CSMD3: variants seen among roughly 807,000 people sequenced by gnomAD.
CSMD3 encodes the protein CUB and Sushi multiple domains 3.
Under a neutral mutation model 435.2 loss-of-function variants are expected in CSMD3, and 177 were observed. The observed-to-expected ratio is 0.41, with a 90% CI of 0.36 to 0.46. The LOEUF (loss-of-function observed/expected upper bound fraction) is 0.46. CSMD3 is among the 20% of genes least tolerant of loss of function. The pLI, the probability that CSMD3 is intolerant of heterozygous loss-of-function variation, is 0.34. For synonymous variants in CSMD3, 1,656 were observed against 1,520.5 expected, an observed-to-expected ratio of 1.09 and a Z score of -2.07; for missense variants, 4,265 against 4,504.6, an observed-to-expected ratio of 0.95 and a Z score of 1.52.
chr8:112,266,141 G>A (rs1415324489), intron 59 of CSMD3, among the ~76,000 whole-genome samples: 2 of 152,138 alleles, frequency 1.3e-5, no homozygotes, highest in Non-Finnish European at 2.9e-5. Context: ...ACATGATGAT[G>A]TTTCCAGCCC....
intron 38 of CSMD3, among the ~76,000 whole-genome samples, chr8:112,370,793 A>G (rs1038736577): frequency 1.3e-5 from 2 of 152,112 alleles, no homozygotes; most frequent in Non-Finnish European, 2.9e-5. Flanking sequence ...TTATATTTTC[A>G]CCTTTTATCT....
At chr8:112,562,515 A>T (rs1275602456) in intron 24 of CSMD3, among the ~76,000 whole-genome samples, 1 of 151,494 alleles carries the variant, frequency 6.6e-6, no homozygotes, top group African/African-American at 2.4e-5. Flanking sequence ...AAAGAAATAG[A>T]TTGTTAAAAA....
intron 4 of CSMD3, among the ~76,000 whole-genome samples, chr8:113,138,520 AATGAAG>A (rs528260639): frequency 2.0e-5 from 3 of 151,474 alleles, no homozygotes; most frequent in Non-Finnish European, 4.4e-5. Context: ...ACATCTTAAT[AATGAAG>A]ATGATTTGAA....
At chr8:112,316,565 C>T (rs1822491400) in intron 47 of CSMD3, among the ~76,000 whole-genome samples, 1 of 151,690 alleles carries the variant, frequency 6.6e-6, no homozygotes, top group African/African-American at 2.4e-5. Context: ...CTGACAGCCA[C>T]CAAGAATAAC....
At chr8:113,013,282 T>A (rs2086326161) in intron 6 of CSMD3, among the ~76,000 whole-genome samples, 1 of 152,088 alleles carries the variant, frequency 6.6e-6, no homozygotes, top group Admixed American at 6.6e-5. Flanking sequence ...AAGCCTAGTG[T>A]TTTATCTTTT....
chr8:112,617,926 T>C (rs966182133), intron 22 of CSMD3, among the ~76,000 whole-genome samples: 1 of 152,108 alleles, frequency 6.6e-6, no homozygotes, highest in Non-Finnish European at 1.5e-5. Context: ...CTCATATGTG[T>C]AGCTGCCAGT....
chr8:113,422,615 G>A (rs1290900226), intron 1 of CSMD3, among the ~76,000 whole-genome samples: 1 of 152,082 alleles, frequency 6.6e-6, no homozygotes, highest in Non-Finnish European at 1.5e-5. Flanking sequence ...AGGTAGTGAT[G>A]GGGTAGAAAC....
At chr8:113,100,173 C>T (rs1392785648) in intron 4 of CSMD3, among the ~76,000 whole-genome samples, 3 of 152,150 alleles carry the variant, frequency 2.0e-5, no homozygotes, top group African/African-American at 7.2e-5. Context: ...ATCTATAAAT[C>T]AAAAATGTAA....
chr8:112,393,745 C>A (rs1830634949), intron 35 of CSMD3, among the ~76,000 whole-genome samples: 1 of 152,166 alleles, frequency 6.6e-6, no homozygotes, highest in Non-Finnish European at 1.5e-5. Context: ...GTGATATGAT[C>A]AATCCTTAAC....
At chr8:112,562,013 T>C (rs1295622423) in intron 24 of CSMD3, among the ~76,000 whole-genome samples, 1 of 151,690 alleles carries the variant, frequency 6.6e-6, no homozygotes, top group Non-Finnish European at 1.5e-5. Flanking sequence ...TTTACTGCTA[T>C]GAAAATGCTA....
In CSMD3 at chr8:112,976,019, A is replaced by G. The variant is rs1288920023; in HGVS notation, c.1160T>C (p.Ile387Thr). 2 of 1,613,852 alleles carry G rather than the reference A, an allele frequency of 1.2e-6. No individual in the cohort carries two copies. Among genetic ancestry groups the G allele is most frequent in the African/African-American group, 2.7e-5 (2 of 74,886 alleles). The change falls in exon 7 of 71, where the codon ATC becomes ACC. Residue 387 changes from isoleucine (I) to threonine (T), a missense_variant. By Grantham distance (89) the Ile-to-Thr change is moderately conservative (BLOSUM62 -1). Transcript: ENST00000297405. ...TCGCTGTTCCTCGGAAAGTCTATGG[A>G]TGGTGACAGCTGTAACACTGGATAC... ...VTVSSVTAVT[I>T]HRLSEEQRVQ...
intron 1 of CSMD3, among the ~76,000 whole-genome samples, chr8:113,409,135 G>C (rs921722757): frequency 7.4e-6 from 1 of 135,904 alleles, no homozygotes; most frequent in African/African-American, 2.8e-5. Flanking sequence ...TCAGCCTGGA[G>C]TGCAGTGGTG....
chr8:113,300,174 A>AG (rs1340626284), intron 2 of CSMD3, among the ~76,000 whole-genome samples: 3 of 146,610 alleles, frequency 2.0e-5, no homozygotes, highest in African/African-American at 8.1e-5. Context: ...AAAAAAAAAA[A>AG]AAAACAACAG....
chr8:112,662,440 T>A (rs1163668217), intron 17 of CSMD3, among the ~76,000 whole-genome samples: 2 of 152,044 alleles, frequency 1.3e-5, no homozygotes, highest in East Asian at 3.9e-4. Context: ...CCCTATTTAA[T>A]AAATGGTGCT....
At chr8:112,389,255 A>C (rs1830210636) in intron 36 of CSMD3, among the ~76,000 whole-genome samples, 1 of 152,196 alleles carries the variant, frequency 6.6e-6, no homozygotes, top group South Asian at 2.1e-4. Flanking sequence ...AAGTAAGCTG[A>C]TTTAATATAT....
At chr8:113,084,600 A>C (rs2131470338) in intron 5 of CSMD3, among the ~76,000 whole-genome samples, 1 of 141,884 alleles carries the variant, frequency 7.0e-6, no homozygotes, top group South Asian at 2.3e-4. Flanking sequence ...AATATAAAAA[A>C]ATTCTAAAAT....
chr8:113,372,975 T>C (rs1426295542), intron 1 of CSMD3, among the ~76,000 whole-genome samples: 1 of 151,802 alleles, frequency 6.6e-6, no homozygotes. Context: ...GACACATTTA[T>C]ACACAGTTTT....
intron 2 of CSMD3, among the ~76,000 whole-genome samples, chr8:113,293,497 G>A (rs961128574): frequency 6.6e-6 from 1 of 151,926 alleles, no homozygotes; most frequent in Non-Finnish European, 1.5e-5. Flanking sequence ...CCATCTATAG[G>A]GTGAGCATCT....
chr8:113,025,287 G>A (rs532034458), intron 5 of CSMD3, among the ~76,000 whole-genome samples: 7 of 152,206 alleles, frequency 4.6e-5, no homozygotes, highest in South Asian at 4.1e-4. Context: ...ATGTATATGC[G>A]TCTTAGGGTG....
Sources: allele counts gnomAD v4.1 joint callset (sites outside exome capture counted in the v4.1 genomes callset), GRCh38; gene constraint gnomAD v4.1.1; transcripts MANE v1.5; gene names NCBI Gene and HGNC (gene_info 2026-07-23, HGNC 2026-07-21).